Variants in TMCC2 observed in about 807,000 individuals in gnomAD.
TMCC2 encodes the protein transmembrane and coiled-coil domain family 2.
A neutral mutation model predicts 49.4 loss-of-function variants in TMCC2; 16 were observed. That is an observed-to-expected ratio of 0.32 (90% CI 0.22 to 0.49). The LOEUF (loss-of-function observed/expected upper bound fraction) is 0.49. TMCC2 is among the 20% of genes least tolerant of loss of function. TMCC2 has a pLI of 0.99. For missense variants in TMCC2, 762 were observed against 989.8 expected, an observed-to-expected ratio of 0.77 and a Z score of 3.09; for synonymous variants, 397 against 434.1, an observed-to-expected ratio of 0.91 and a Z score of 1.06.
chr1:205,243,892 C>T (rs1264299009), intron 2 of TMCC2, among the ~76,000 whole-genome samples: 1 of 152,152 alleles, frequency 6.6e-6, no homozygotes, highest in Non-Finnish European at 1.5e-5. Context: ...TGTGGACAGA[C>T]CCAGCTGACA....
intron 2 of TMCC2, chr1:205,268,127 C>T: frequency 1.0e-6 from 1 of 968,930 alleles, no homozygotes; most frequent in Non-Finnish European, 1.2e-6. Flanking sequence ...TGTTAGTGAA[C>T]ATGGGGTGGC....
chr1:205,269,747 C>T lies in TMCC2; in HGVS notation c.1545C>T (p.Asn515=). The T allele has an allele frequency of 6.2e-7, 1 of 1,614,220 alleles. No individual in the cohort carries two copies. Among genetic ancestry groups the T allele is most frequent in the Non-Finnish European group, 8.5e-7 (1 of 1,180,026 alleles). The change falls in exon 3 of 5, where the codon AAC becomes AAT. Residue 515 remains asparagine, a synonymous_variant. Coordinates refer to ENST00000358024, the MANE Select transcript of TMCC2 (RefSeq NM_014858.4). ...KSNALYGAPG[N]LDALLEELRE... is the part of the protein sequence containing the mutation. ...ATGCACTGTATGGTGCTCCTGGAAA[C>T]CTGGATGCTCTGCTGGAAGAGCTAC...
rs562972063 is a variant in TMCC2, at chr1:205,256,899, T to C, written c.748-12051T>C. Among the ~76,000 whole-genome samples the C allele has an allele frequency of 1.7e-3, 259 of 152,284 alleles. 2 individuals carry two copies. Among genetic ancestry groups the C allele is most frequent in the Middle Eastern group, 0.01 (3 of 294 alleles). ...GGGGTGAGGTGGAGTGCCTGTCTTC[T>C]GGGTGGTTGAAGGATGCAGGTGCAC... On this transcript the variant is annotated intron_variant, in intron 2 of 4. Coordinates refer to ENST00000358024, the MANE Select transcript of TMCC2 (RefSeq NM_014858.4).
chr1:205,256,946 A>T (rs1238730943), intron 2 of TMCC2, among the ~76,000 whole-genome samples: 1 of 151,944 alleles, frequency 6.6e-6, no homozygotes, highest in African/African-American at 2.4e-5. Flanking sequence ...CCTCGTGCAC[A>T]TCCCTTTCAA....
chr1:205,267,247 C>T (rs1661379192), intron 2 of TMCC2, among the ~76,000 whole-genome samples: 1 of 152,206 alleles, frequency 6.6e-6, no homozygotes, highest in Non-Finnish European at 1.5e-5. Context: ...GCCGCCCTCC[C>T]CTGGCTCCTG....
At chr1:205,256,161 C>T (rs1041758812) in intron 2 of TMCC2, 27 of 1,390,898 alleles carry the variant, frequency 1.9e-5, no homozygotes, top group Non-Finnish European at 2.3e-5. Context: ...TGACGCGTGT[C>T]GGCCATCAGT....
In TMCC2 at chr1:205,241,108, C is replaced by A. The variant is rs1043505617; in HGVS notation, c.208-397C>A. ...AAAGAACTAGTACAGCTTGAAGGGT[C>A]GTCTAACTTGGAAGGAGGGAAGGAC... is the stretch of plus-strand genomic sequence containing the variant. On this transcript the variant is annotated intron_variant, in intron 1 of 4. Transcript: ENST00000358024. The surrounding 1 kb of genome is among the most constrained non-coding windows in gnomAD (Gnocchi z 7.3). Among the ~76,000 whole-genome samples, 1 of 151,936 alleles carries A rather than the reference C, an allele frequency of 6.6e-6. No homozygotes were observed. The highest frequency in any genetic ancestry group is 1.5e-5 in the Non-Finnish European group (1 of 68,000).
chr1:205,235,799 G>A (rs1475159315), intron 1 of TMCC2, among the ~76,000 whole-genome samples: 1 of 152,198 alleles, frequency 6.6e-6, no homozygotes. Context: ...GCTGGGCGCG[G>A]TGGCTCACGC....
intron 2 of TMCC2, chr1:205,268,193 G>A (rs1661425522): frequency 2.1e-6 from 1 of 467,932 alleles, no homozygotes; most frequent in Non-Finnish European, 2.8e-6. Flanking sequence ...GGAGAGGCCT[G>A]CTCAAGGCAG....
chr1:205,272,526 G>A lies in TMCC2; in HGVS notation c.*402G>A, dbSNP rs1450397022. The A allele has an allele frequency of 3.7e-5, 8 of 216,006 alleles. No homozygotes were observed. Among genetic ancestry groups the A allele is most frequent in the East Asian group, 1.2e-4 (1 of 8,474 alleles). The allele number at this position is 216,006 out of a possible 1,614,324, so 13.4% of individuals were successfully genotyped here. ...AAGAGCCCACCTCGGAGATAGCTAC[G>A]GTTTTCTCTGGTGGAGATGGTGAGG... On this transcript the variant is annotated 3_prime_UTR_variant, in exon 5 of 5. Coordinates refer to ENST00000358024, the MANE Select transcript of TMCC2 (RefSeq NM_014858.4).
chr1:205,238,638 C>G (rs1444664874), intron 1 of TMCC2, among the ~76,000 whole-genome samples: 3 of 152,134 alleles, frequency 2.0e-5, no homozygotes. Context: ...ACCTAACAAC[C>G]CTTGACCCAG....
Position 205,228,756 on chromosome 1 carries a change from GCCT to G in TMCC2, c.196_198del (p.Pro66del). On this transcript the variant is annotated inframe_deletion, in exon 1 of 5. Coordinates refer to ENST00000358024, the MANE Select transcript of TMCC2 (RefSeq NM_014858.4). Reference sequence around the variant, plus strand: ...CGCCCAACCCAGGTCCCCGAAGCAAGCCTCCTGATTTAAAGGTGAGCGCAGACC... The same window carrying G: ...CGCCCAACCCAGGTCCCCGAAGCAAGCCTGATTTAAAGGTGAGCGCAGACC... The G allele has an allele frequency of 2.5e-6, 4 of 1,606,698 alleles. No homozygotes were observed. The highest frequency in any genetic ancestry group is 3.4e-6 in the Non-Finnish European group (4 of 1,177,542).
rs1661633000 is a variant in TMCC2 at position 205,272,282 on chromosome 1, C to G, written c.*158C>G. On this transcript the variant is annotated 3_prime_UTR_variant, in exon 5 of 5. Coordinates refer to ENST00000358024, the MANE Select transcript of TMCC2 (RefSeq NM_014858.4). Reference sequence around the variant, plus strand: ...CTTCTCTGTACTTGCTTCTGTCTGACACCTTCTCCCTGTTGGCCTGAAGGG... The same window carrying G: ...CTTCTCTGTACTTGCTTCTGTCTGAGACCTTCTCCCTGTTGGCCTGAAGGG... 2.2e-6 allele frequency: 3 copies of G among 1,377,676 alleles called. No individual in the cohort carries two copies. Among genetic ancestry groups the G allele is most frequent in the South Asian group, 1.5e-5 (1 of 66,118 alleles). 85.3% of individuals were successfully genotyped at this position (1,377,676 alleles called of 1,614,324 possible).
chr1:205,257,697 G>A (rs1323767321), intron 2 of TMCC2, among the ~76,000 whole-genome samples: 1 of 152,212 alleles, frequency 6.6e-6, no homozygotes, highest in Non-Finnish European at 1.5e-5. Flanking sequence ...GTTCCTGGTT[G>A]TGGTCGCTTG....
chr1:205,262,363 T>A (rs1661152543), intron 2 of TMCC2, among the ~76,000 whole-genome samples: 1 of 152,138 alleles, frequency 6.6e-6, no homozygotes, highest in African/African-American at 2.4e-5. Context: ...AGGACCAGGA[T>A]CCCAGCCCAA....
At chr1:205,250,982 C>G (rs981618381) in intron 2 of TMCC2, among the ~76,000 whole-genome samples, 4 of 152,192 alleles carry the variant, frequency 2.6e-5, no homozygotes, top group Non-Finnish European at 5.9e-5. Flanking sequence ...TCTGCCACAT[C>G]CCTGAGATGA....
Position 205,228,628 on chromosome 1 carries a change from G to C in TMCC2, c.64G>C (p.Glu22Gln), listed in dbSNP as rs767175035. ...GGGCGAGGAGGATGGAGCTGGGCTG[G>C]AAGATGCCGCTTCCCACCTGCCGGG... ...QQGEEDGAGLEDAASHLPGAD... is the reference protein window; with the variant it reads ...QQGEEDGAGLQDAASHLPGAD... The change falls in exon 1 of 5, where the codon GAA (glutamate) becomes CAA (glutamine). Residue 22 changes from glutamate to glutamine, a missense_variant. Physicochemically the swap from Glu to Gln is conservative, Grantham distance 29. This residue lies in a region of TMCC2 where 322 missense variants were observed against 353.1 expected (regional missense o/e 0.91). Transcript: ENST00000358024. 4 of 1,613,232 alleles carry C rather than the reference G, an allele frequency of 2.5e-6. No homozygotes were observed. Among genetic ancestry groups the C allele is most frequent in the Non-Finnish European group, 3.4e-6 (4 of 1,179,820 alleles).
intron 2 of TMCC2, among the ~76,000 whole-genome samples, chr1:205,247,378 T>A (rs770972384): frequency 2.0e-5 from 3 of 152,194 alleles, no homozygotes; most frequent in Non-Finnish European, 4.4e-5. Flanking sequence ...ATGCAAAGTC[T>A]ATGGAGAGCA....
chr1:205,232,977 C>A (rs1419476640), intron 1 of TMCC2, among the ~76,000 whole-genome samples: 2 of 102,614 alleles, frequency 1.9e-5, no homozygotes, highest in Admixed American at 1.2e-4. Flanking sequence ...AAAACACACA[C>A]ACAAAAAACA....
Sources: allele counts gnomAD v4.1 joint callset (sites outside exome capture counted in the v4.1 genomes callset), GRCh38; gene constraint gnomAD v4.1.1; regional missense constraint gnomAD v4.1.1; non-coding constraint Gnocchi (gnomAD v3.1); transcripts MANE v1.5; gene names NCBI Gene and HGNC (gene_info 2026-07-23, HGNC 2026-07-21).